The following SCAMP1 variants were observed in gnomAD, a reference collection of about 807,000 sequenced individuals.
SCAMP1 encodes secretory carrier-associated membrane protein 1.
A neutral mutation model predicts 41.8 loss-of-function variants in SCAMP1; 15 were observed. That is an observed-to-expected ratio of 0.36 (90% CI 0.24 to 0.55). The LOEUF is 0.55. Ranked by LOEUF, SCAMP1 falls within the 20% of genes least tolerant of loss-of-function variation. The pLI, the probability that SCAMP1 is intolerant of heterozygous loss-of-function variation, is 0.86. For missense variants in SCAMP1, 341 were observed against 412.6 expected (o/e 0.83, Z 1.50); for synonymous variants, 135 against 136.8 (o/e 0.99, Z 0.09).
chr5:78,374,411 G>A (rs987991395), intron 1 of SCAMP1, among the ~76,000 whole-genome samples: 3 of 151,924 alleles, frequency 2.0e-5, no homozygotes, highest in African/African-American at 7.2e-5. Flanking sequence ...GAATAAAATT[G>A]TTTCATGGAA....
At chr5:78,373,429 C>G (rs1174851625) in intron 1 of SCAMP1, among the ~76,000 whole-genome samples, 1 of 152,112 alleles carries the variant, frequency 6.6e-6, no homozygotes, top group Non-Finnish European at 1.5e-5. Context: ...ACTAACTCAA[C>G]CTAAAACAAG....
intron 4 of SCAMP1, 21 bp from the exon 5 acceptor site, chr5:78,418,754 T>C (rs1208245547): frequency 7.0e-7 from 1 of 1,430,332 alleles, no homozygotes; most frequent in Non-Finnish European, 9.4e-7. Context: ...AACCTTTTCT[T>C]TTTCTAAAAA....
In SCAMP1 at chr5:78,364,802, C is replaced by T. The variant is rs895352934; in HGVS notation, c.57+4074C>T. ...TCTTTCAGACTCAGTTTACTCATCGCGTGTTCTCACTCATAGGTGGGAATT... is the reference window on the plus strand; with the variant it reads ...TCTTTCAGACTCAGTTTACTCATCGTGTGTTCTCACTCATAGGTGGGAATT... On this transcript the variant is annotated intron_variant, in intron 1 of 8. Transcript: ENST00000621999. 4.1e-5 allele frequency among the ~76,000 whole-genome samples: 6 copies of T among 145,202 alleles called. No homozygotes were observed. In the East Asian group the frequency reaches 8.4e-4, roughly 20 times the overall value.
chr5:78,420,606 C>T (rs1489334320), intron 5 of SCAMP1, among the ~76,000 whole-genome samples: 1 of 152,034 alleles, frequency 6.6e-6, no homozygotes, highest in Admixed American at 6.5e-5. Flanking sequence ...GGGAAAAGCT[C>T]CTGCATTTCT....
chr5:78,376,347 A>C (rs1751065100), intron 1 of SCAMP1, among the ~76,000 whole-genome samples: 1 of 152,356 alleles, frequency 6.6e-6, no homozygotes, highest in South Asian at 2.1e-4. Flanking sequence ...ATTGGACTAC[A>C]TTTTAAGAGC....
At chr5:78,444,779 C>T (rs897355425) in intron 6 of SCAMP1, among the ~76,000 whole-genome samples, 6 of 152,288 alleles carry the variant, frequency 3.9e-5, no homozygotes, top group African/African-American at 1.4e-4. Context: ...GAGTGTAATA[C>T]AGGTATCAAC....
At chr5:78,387,519 G>A (rs375823035) in intron 1 of SCAMP1, among the ~76,000 whole-genome samples, 3 of 151,850 alleles carry the variant, frequency 2.0e-5, no homozygotes, top group South Asian at 2.1e-4. Context: ...TGATCTTTTC[G>A]GGGTGTTAAC....
chr5:78,464,338 T>C (rs985729211), intron 8 of SCAMP1, among the ~76,000 whole-genome samples: 1 of 151,992 alleles, frequency 6.6e-6, no homozygotes, highest in African/African-American at 2.4e-5. Context: ...GAGACAGGGT[T>C]TCACCATGTT....
chr5:78,376,805 T>C (rs1340862339), intron 1 of SCAMP1, among the ~76,000 whole-genome samples: 1 of 152,198 alleles, frequency 6.6e-6, no homozygotes, highest in Non-Finnish European at 1.5e-5. Flanking sequence ...CAGATTGATC[T>C]CTGGGGTGGA....
chr5:78,426,641 G>C (rs1353439642), intron 6 of SCAMP1, among the ~76,000 whole-genome samples: 1 of 152,138 alleles, frequency 6.6e-6, no homozygotes, highest in Non-Finnish European at 1.5e-5. Flanking sequence ...AATTAATAGA[G>C]TTGTGCAATC....
chr5:78,449,448 AACT>A lies in SCAMP1; in HGVS notation c.633-483_633-481del, dbSNP rs201828363. Among the ~76,000 whole-genome samples the A allele has an allele frequency of 1.1e-4, 17 of 152,334 alleles. 1 individual carries two copies. The East Asian group carries it at 3.3e-3, about 29-fold the overall frequency. The stretch of plus-strand genomic sequence containing the variant: ...TATATAAAATTCTATAAAATAGTCA[AACT>A]ATGGTAACAGAAAAACAGTGGGTAG... On this transcript the variant is annotated intron_variant, in intron 6 of 8. Coordinates refer to ENST00000621999, the MANE Select transcript of SCAMP1 (RefSeq NM_004866.6).
At chr5:78,399,621 A>C (rs537606779) in intron 2 of SCAMP1, among the ~76,000 whole-genome samples, 2 of 151,992 alleles carry the variant, frequency 1.3e-5, no homozygotes, top group African/African-American at 4.8e-5. Context: ...TCTTTTATGA[A>C]GTTTCTGTTA....
At chr5:78,375,257 G>T (rs577990319) in intron 1 of SCAMP1, among the ~76,000 whole-genome samples, 1 of 152,150 alleles carries the variant, frequency 6.6e-6, no homozygotes, top group African/African-American at 2.4e-5. Flanking sequence ...TTTCTTCTGA[G>T]GAAATATAGT....
chr5:78,407,741 T>A (rs886567371), intron 2 of SCAMP1, among the ~76,000 whole-genome samples: 4 of 152,120 alleles, frequency 2.6e-5, no homozygotes, highest in African/African-American at 9.7e-5. Flanking sequence ...TGTCATTAGA[T>A]TCACTTCCAT....
chr5:78,395,855 A>G (rs572706810), intron 2 of SCAMP1, among the ~76,000 whole-genome samples: 2 of 152,214 alleles, frequency 1.3e-5, no homozygotes, highest in African/African-American at 2.4e-5. Context: ...AACGTAATCA[A>G]AGGAGTGACA....
chr5:78,392,721 C>A (rs1205604742), intron 2 of SCAMP1, among the ~76,000 whole-genome samples: 1 of 152,156 alleles, frequency 6.6e-6, no homozygotes, highest in African/African-American at 2.4e-5. Flanking sequence ...GTGCATTTTC[C>A]TCTGCACTGT....
intron 8 of SCAMP1, among the ~76,000 whole-genome samples, chr5:78,467,344 G>C (rs952405172): frequency 3.3e-5 from 5 of 152,116 alleles, no homozygotes; most frequent in Non-Finnish European, 5.9e-5. Context: ...ATAGAGCCAG[G>C]GTGTGGAGGA....
chr5:78,378,530 T>C (rs1213702548), intron 1 of SCAMP1, among the ~76,000 whole-genome samples: 1 of 152,236 alleles, frequency 6.6e-6, no homozygotes, highest in Non-Finnish European at 1.5e-5. Context: ...ATTGAAGATA[T>C]AAACTAATTG....
At chr5:78,361,180 G>C (rs1750639500) in intron 1 of SCAMP1, 1 of 170,448 alleles carries the variant, frequency 5.9e-6, no homozygotes, top group South Asian at 1.3e-4. Flanking sequence ...TGCGTGGGGT[G>C]ATGGCAGAGG....
Sources: gnomAD v4.1 joint callset for allele counts (sites outside exome capture counted in the v4.1 genomes callset) on GRCh38, gnomAD v4.1.1 for gene constraint, MANE v1.5 for transcripts, NCBI Gene and HGNC (gene_info 2026-07-23, HGNC 2026-07-21) for gene names.